Variants in ARHGAP40 observed in about 807,000 individuals in gnomAD.
ARHGAP40 encodes Rho GTPase activating protein 40.
A neutral mutation model predicts 73.5 loss-of-function variants in ARHGAP40; 43 were observed. That is an observed-to-expected ratio of 0.58 (90% CI 0.46 to 0.75). ARHGAP40 has a LOEUF of 0.75. ARHGAP40 is among the 30% of genes least tolerant of loss of function. The pLI, the probability that ARHGAP40 is intolerant of heterozygous loss-of-function variation, is 0.00. For synonymous variants in ARHGAP40, 300 were observed against 352.8 expected (o/e 0.85, Z 1.68); for missense variants, 734 against 861.8 (o/e 0.85, Z 1.86).
intron 1 of ARHGAP40, among the ~76,000 whole-genome samples, chr20:38,602,656 T>C (rs2088742289): frequency 6.6e-6 from 1 of 152,268 alleles, no homozygotes; most frequent in Non-Finnish European, 1.5e-5. Context: ...ATGTTCATTC[T>C]TGAAAACTTA....
chr20:38,615,986 T>C (rs1051894370), intron 1 of ARHGAP40, among the ~76,000 whole-genome samples: 3 of 152,208 alleles, frequency 2.0e-5, no homozygotes, highest in African/African-American at 7.2e-5. Context: ...TACTGGGCTG[T>C]GGTCTGTGCC....
chr20:38,626,201 A>G (rs2088898161), intron 2 of ARHGAP40, among the ~76,000 whole-genome samples: 1 of 152,212 alleles, frequency 6.6e-6, no homozygotes, highest in African/African-American at 2.4e-5. Flanking sequence ...TGAGTTTTTA[A>G]AACACTTATT....
intron 5 of ARHGAP40, among the ~76,000 whole-genome samples, chr20:38,633,008 A>G (rs1292854986): frequency 6.6e-6 from 1 of 152,078 alleles, no homozygotes; most frequent in East Asian, 1.9e-4. Context: ...CTATAATCCC[A>G]GCTACTTGGG....
chr20:38,643,947 C>T, intron 11 of ARHGAP40, 37 bp downstream of exon 11: 1 of 1,254,778 alleles, frequency 8.0e-7, no homozygotes, highest in Non-Finnish European at 1.0e-6. Flanking sequence ...CCTCTGGGTG[C>T]AGCTGCCGTG....
chr20:38,629,212 A>G (rs2145605512), intron 4 of ARHGAP40, among the ~76,000 whole-genome samples: 2 of 152,302 alleles, frequency 1.3e-5, no homozygotes, highest in African/African-American at 4.8e-5. Context: ...GGGGCTCAAG[A>G]TGGGAAAATT....
intron 11 of ARHGAP40, among the ~76,000 whole-genome samples, chr20:38,645,473 G>C (rs112519161): frequency 6.6e-6 from 1 of 152,178 alleles, no homozygotes; most frequent in Admixed American, 6.5e-5. Context: ...GCTCTTCCCC[G>C]TGTGTGTCAC....
intron 1 of ARHGAP40, among the ~76,000 whole-genome samples, chr20:38,603,451 A>ATCTG (rs138035816): frequency 0.25 from 37,987 of 149,968 alleles, 5,442 homozygotes; most frequent in Non-Finnish European, 0.31. Context: ...CTATCTATCT[A>ATCTG]TCTATCTATC....
At chr20:38,645,987 C>T in intron 11 of ARHGAP40, 60 bp from the exon 12 acceptor site, 1 of 1,240,678 alleles carries the variant, frequency 8.1e-7, no homozygotes, top group East Asian at 5.9e-5. Context: ...CTGGAGAGGG[C>T]TCTGCCTCTC....
At chr20:38,626,836 T>C in intron 2 of ARHGAP40, among the ~76,000 whole-genome samples, 159 bp from the exon 3 acceptor site, 1 of 151,646 alleles carries the variant, frequency 6.6e-6, no homozygotes, top group East Asian at 1.9e-4. Flanking sequence ...TTAGATCTTC[T>C]CCCCCGGAGA....
At chr20:38,648,563 G>A (rs1293017473) in intron 13 of ARHGAP40, 80 bp from the exon 14 acceptor site, 9 of 1,178,618 alleles carry the variant, frequency 7.6e-6, no homozygotes, top group Admixed American at 5.0e-5. Context: ...CCAGGGCTGG[G>A]GGCCATGCAC....
chr20:38,649,239 G>C (rs1022351071), intron 14 of ARHGAP40, among the ~76,000 whole-genome samples: 3 of 152,234 alleles, frequency 2.0e-5, no homozygotes, highest in Non-Finnish European at 4.4e-5. Context: ...TGTTTCTGAT[G>C]AGTTCCCAGG....
rs1477351164 is a variant in ARHGAP40, at chr20:38,615,485, G to A, written c.138-7874G>A. 23 of 673,776 alleles carry A rather than the reference G, an allele frequency of 3.4e-5. No individual in the cohort carries two copies. The East Asian group carries it at 4.6e-4, about 13-fold the overall frequency. The allele number at this position is 673,776 out of a possible 1,614,324, so 41.7% of individuals were successfully genotyped here. On this transcript the variant is annotated intron_variant, in intron 1 of 14. Coordinates refer to ENST00000373345, the Ensembl canonical transcript of ARHGAP40. Reference sequence around the variant, plus strand: ...ACCTCGGCCACGTCCATGGCGGCGCGAGTGGCCAGCTCGGGCCTCACAGTC... The same window carrying A: ...ACCTCGGCCACGTCCATGGCGGCGCAAGTGGCCAGCTCGGGCCTCACAGTC...
exon 15 of ARHGAP40, chr20:38,649,928 C>A: frequency 9.7e-7 from 1 of 1,034,228 alleles, no homozygotes; most frequent in Non-Finnish European, 1.3e-6. Context: ...AGCATGAGAA[C>A]AAAGCTATTC....
In ARHGAP40 at chr20:38,617,576, GC is replaced by G. The variant is rs199574500; in HGVS notation, c.138-5781del. ...TTCTAGGACCTGCCTCATCTTTCAG[GC>G]CACCTAGGGGGAAAGTTCATGTGTG... is the stretch of plus-strand genomic sequence containing the variant. On this transcript the variant is annotated intron_variant, in intron 1 of 14. Coordinates refer to ENST00000373345, the Ensembl canonical transcript of ARHGAP40. Among the ~76,000 whole-genome samples, 1,482 of 152,252 alleles carry G rather than the reference GC, an allele frequency of 9.7e-3. 19 individuals carry two copies. The highest frequency in any genetic ancestry group is 0.033 in the African/African-American group (1,384 of 41,540).
At chr20:38,607,680 G>A (rs560580966) in intron 1 of ARHGAP40, among the ~76,000 whole-genome samples, 39 of 152,272 alleles carry the variant, frequency 2.6e-4, no homozygotes, top group Middle Eastern at 3.4e-3. Flanking sequence ...CCTGTCAGGC[G>A]TCACCGACTC....
intron 9 of ARHGAP40, among the ~76,000 whole-genome samples, chr20:38,641,499 G>A (rs1187254154): frequency 1.3e-5 from 2 of 152,196 alleles, no homozygotes; most frequent in African/African-American, 2.4e-5. Context: ...ATGCATGCGT[G>A]TGTTTATTTT....
At chr20:38,647,360 G>A (rs776981835) in intron 13 of ARHGAP40, among the ~76,000 whole-genome samples, 1 of 145,470 alleles carries the variant, frequency 6.9e-6, no homozygotes, top group Non-Finnish European at 1.5e-5. Flanking sequence ...CCTACCACCA[G>A]GCACCATGTT....
At chr20:38,648,087 C>A (rs2089065347) in intron 13 of ARHGAP40, among the ~76,000 whole-genome samples, 1 of 152,200 alleles carries the variant, frequency 6.6e-6, no homozygotes, top group Non-Finnish European at 1.5e-5. Flanking sequence ...CTGTCATCTT[C>A]AGCAAGTATC....
At chr20:38,626,802 C>T (rs950275291) in intron 2 of ARHGAP40, among the ~76,000 whole-genome samples, 193 bp from the exon 3 acceptor site, 3 of 152,182 alleles carry the variant, frequency 2.0e-5, no homozygotes, top group African/African-American at 4.8e-5. Context: ...CCCCCCACCC[C>T]GCCCCCAGTT....
Sources: allele counts gnomAD v4.1 joint callset (sites outside exome capture counted in the v4.1 genomes callset), GRCh38; gene constraint gnomAD v4.1.1; transcripts MANE v1.5; gene names NCBI Gene and HGNC (gene_info 2026-07-23, HGNC 2026-07-21).